IGSF10: variants seen among roughly 807,000 people sequenced by gnomAD.
The protein encoded by IGSF10 is immunoglobulin superfamily member 10.
In IGSF10, 126 loss-of-function variants were observed where a neutral mutation model predicts 128.2. That is an observed-to-expected ratio of 0.98 (90% CI 0.85 to 1.14). The LOEUF (loss-of-function observed/expected upper bound fraction) is 1.14, where lower values mean the gene tolerates loss of function less well. IGSF10 is among the 50% of genes most tolerant of loss of function. The probability of loss-of-function intolerance (pLI) is 0.00; values close to 1 mark genes in which losing one functional copy is unlikely to be tolerated. For synonymous variants in IGSF10, 1,185 were observed against 1,146.2 expected (o/e 1.03, Z -0.68); for missense variants, 3,295 against 3,149.8 (o/e 1.05, Z -1.10).
the IGSF10 span, among the ~76,000 whole-genome samples, chr3:151,510,195 G>A: frequency 1.1e-4 from 16 of 152,126 alleles, no homozygotes; most frequent in African/African-American, 2.7e-4. Context: ...GGCCCCTGAC[G>A]CCCAAGTAGC....
chr3:151,532,111 T>A, the IGSF10 span, among the ~76,000 whole-genome samples: 1 of 151,968 alleles, frequency 6.6e-6, no homozygotes, highest in African/African-American at 2.4e-5. Context: ...ACATACACCC[T>A]CCCAAGACTA....
the IGSF10 span, among the ~76,000 whole-genome samples, chr3:151,493,865 A>G: frequency 6.6e-6 from 1 of 151,700 alleles, no homozygotes; most frequent in Non-Finnish European, 1.5e-5. Flanking sequence ...ACAAACAAAC[A>G]AACAAAAACA....
At chr3:151,556,624 A>C in the IGSF10 span, among the ~76,000 whole-genome samples, 9 of 152,272 alleles carry the variant, frequency 5.9e-5, no homozygotes, top group South Asian at 1.7e-3. Context: ...GAGTCATGGA[A>C]TGTGTTTCAA....
At chr3:151,538,413 T>C in the IGSF10 span, among the ~76,000 whole-genome samples, 237 of 152,308 alleles carry the variant, frequency 1.6e-3, no homozygotes, top group Non-Finnish European at 2.8e-3. Context: ...TTTAATTCTC[T>C]CTCACTTAAA....
chr3:151,519,889 G>A, the IGSF10 span, among the ~76,000 whole-genome samples: 1 of 151,732 alleles, frequency 6.6e-6, no homozygotes, highest in African/African-American at 2.4e-5. Context: ...CAAGCTGAAA[G>A]AAAGACTAAT....
the IGSF10 span, among the ~76,000 whole-genome samples, chr3:151,494,573 G>A: frequency 2.0e-5 from 3 of 151,998 alleles, no homozygotes; most frequent in East Asian, 5.8e-4. Context: ...ATGTAAATAC[G>A]ACTCAGGGTT....
chr3:151,436,714 G>T lies in IGSF10; in HGVS notation c.7847C>A (p.Ala2616Glu), dbSNP rs756394773. ...TCAGATTACTTGAATATACGTTGCT[G>T]CATAATCACTACCAAGTGGGTTCTT... ...TAKNPLGSDY[A>E]ATYIQVI Residue 2616 changes from alanine (A) to glutamate (E), a missense_variant, in exon 8 of 8, where the codon GCA becomes GAA. Physicochemically the swap from Ala to Glu is moderately radical, Grantham distance 107. Coordinates refer to ENST00000282466, the MANE Select transcript of IGSF10 (RefSeq NM_178822.5). 1 of 1,611,632 alleles carries T rather than the reference G, an allele frequency of 6.2e-7. No homozygotes were observed. The highest frequency in any genetic ancestry group is 1.1e-5 in the South Asian group (1 of 90,668).
chr3:151,555,343 C>G, the IGSF10 span, among the ~76,000 whole-genome samples: 29 of 151,814 alleles, frequency 1.9e-4, no homozygotes, highest in African/African-American at 6.8e-4. Flanking sequence ...GGCCACTTTG[C>G]AAGCAGAATT....
At chr3:151,567,025 G>A in the IGSF10 span, among the ~76,000 whole-genome samples, 2 of 152,194 alleles carry the variant, frequency 1.3e-5, no homozygotes, top group Non-Finnish European at 2.9e-5. Context: ...TGGCTAGCCT[G>A]TAGGCAAATG....
chr3:151,480,429 A>C, the IGSF10 span, among the ~76,000 whole-genome samples: 1 of 152,262 alleles, frequency 6.6e-6, no homozygotes, highest in South Asian at 2.1e-4. Context: ...GGTGTCCTTC[A>C]CAGGGTCTAA....
At chr3:151,498,059 T>G in the IGSF10 span, among the ~76,000 whole-genome samples, 2 of 152,196 alleles carry the variant, frequency 1.3e-5, no homozygotes, top group Admixed American at 6.5e-5. Flanking sequence ...CTTATCAGCT[T>G]AAGGAGATTT....
the IGSF10 span, among the ~76,000 whole-genome samples, chr3:151,609,163 G>A: frequency 6.6e-6 from 1 of 152,134 alleles, no homozygotes; most frequent in Non-Finnish European, 1.5e-5. Flanking sequence ...GGGAGGAGAT[G>A]TTTCCAGAGA....
the IGSF10 span, among the ~76,000 whole-genome samples, chr3:151,525,064 C>T: frequency 3.1e-4 from 34 of 109,720 alleles, 1 homozygote; most frequent in Admixed American, 4.8e-3. Flanking sequence ...CTTGCTCTGT[C>T]ACCCCAGCTG....
the IGSF10 span, among the ~76,000 whole-genome samples, chr3:151,474,224 G>C: frequency 1.3e-5 from 2 of 152,102 alleles, no homozygotes; most frequent in African/African-American, 4.8e-5. Context: ...AGAACTGAAT[G>C]TTGTACTTAT....
At chr3:151,444,890 A>T (rs372418645) in intron 6 of IGSF10, 29 bp downstream of exon 6, 344 of 1,532,852 alleles carry the variant, frequency 2.2e-4, no homozygotes, top group Non-Finnish European at 2.9e-4. Flanking sequence ...TCTAACAAAA[A>T]CTAAGTGTAA....
the IGSF10 span, among the ~76,000 whole-genome samples, chr3:151,596,412 C>G: frequency 5.6e-3 from 854 of 152,138 alleles, 6 homozygotes; most frequent in African/African-American, 0.02. Flanking sequence ...AAATGACAAA[C>G]CAAAAATGCT....
At chr3:151,532,167 G>A in the IGSF10 span, among the ~76,000 whole-genome samples, 1,229 of 152,250 alleles carry the variant, frequency 8.1e-3, 5 homozygotes, top group Non-Finnish European at 0.013. Context: ...AACAAGTTCT[G>A]AAATTGAGGC....
At chr3:151,586,955 T>A in the IGSF10 span, among the ~76,000 whole-genome samples, 1 of 152,206 alleles carries the variant, frequency 6.6e-6, no homozygotes, top group Non-Finnish European at 1.5e-5. Context: ...CTGTTCTGAC[T>A]TGAGCATGGG....
At chr3:151,528,022 A>G in the IGSF10 span, among the ~76,000 whole-genome samples, 1 of 152,292 alleles carries the variant, frequency 6.6e-6, no homozygotes, top group Middle Eastern at 3.4e-3. Context: ...CCTGAGCAAA[A>G]TATTTTATGT....
Sources: gnomAD v4.1 joint callset for allele counts (sites outside exome capture counted in the v4.1 genomes callset) on GRCh38, gnomAD v4.1.1 for gene constraint, MANE v1.5 for transcripts, NCBI Gene and HGNC (gene_info 2026-07-23, HGNC 2026-07-21) for gene names.